ARK2N: variants seen among roughly 807,000 people sequenced by gnomAD.
ARK2N encodes arkadia (RNF111) N-terminal like PKA signaling regulator 2N, also known as protein ARK2N.
At chr18:46,210,901 AC>A in the ARK2N span, among the ~76,000 whole-genome samples, 1 of 149,190 alleles carries the variant, frequency 6.7e-6, no homozygotes, top group African/African-American at 2.5e-5. Context: ...ACAGAGTGAG[AC>A]CCTGTCTTAA....
chr18:46,253,797 G>A, the ARK2N span: 2 of 1,612,202 alleles, frequency 1.2e-6, no homozygotes, highest in South Asian at 2.2e-5. Context: ...GTGAAGTAGA[G>A]ATTGTGGGAG....
At chr18:46,190,286 G>A in the ARK2N span, among the ~76,000 whole-genome samples, 5 of 152,078 alleles carry the variant, frequency 3.3e-5, no homozygotes, top group African/African-American at 1.2e-4. Context: ...TTGGGAGGCC[G>A]AGGCGGGTGG....
At chr18:46,220,076 A>G in the ARK2N span, among the ~76,000 whole-genome samples, 1 of 152,240 alleles carries the variant, frequency 6.6e-6, no homozygotes. Context: ...GGACCTCCAT[A>G]CAGGGTAGCT....
the ARK2N span, among the ~76,000 whole-genome samples, chr18:46,252,373 T>A: frequency 2.7e-5 from 4 of 150,448 alleles, no homozygotes; most frequent in South Asian, 8.8e-4. Flanking sequence ...GCTTCCTGGG[T>A]TCAAGCAATT....
the ARK2N span, among the ~76,000 whole-genome samples, chr18:46,202,507 A>G: frequency 2.0e-5 from 3 of 152,156 alleles, no homozygotes; most frequent in Non-Finnish European, 2.9e-5. Context: ...GGAAGAGACT[A>G]TATTTGTTTG....
the ARK2N span, among the ~76,000 whole-genome samples, chr18:46,182,733 T>C: frequency 1.3e-5 from 2 of 150,648 alleles, no homozygotes. Flanking sequence ...GGCTTCTTAC[T>C]TGATGCTAGT....
At chr18:46,262,489 A>ATAAT in the ARK2N span, among the ~76,000 whole-genome samples, 1 of 152,328 alleles carries the variant, frequency 6.6e-6, no homozygotes, top group South Asian at 2.1e-4. Context: ...TGAAGGCATT[A>ATAAT]TTACCAATTA....
the ARK2N span, among the ~76,000 whole-genome samples, chr18:46,201,368 T>C: frequency 6.6e-6 from 1 of 152,178 alleles, no homozygotes; most frequent in Non-Finnish European, 1.5e-5. Context: ...CCTTGCGGGT[T>C]TGAATATGTA....
At chr18:46,217,905 G>GT in the ARK2N span, 1 of 152,022 alleles carries the variant, frequency 6.6e-6, no homozygotes, top group East Asian at 1.9e-4. Context: ...TCTAAGGCAG[G>GT]TTTTAGGTAT....
At chr18:46,190,246 G>C in the ARK2N span, among the ~76,000 whole-genome samples, 399 of 152,230 alleles carry the variant, frequency 2.6e-3, 1 homozygote, top group Non-Finnish European at 4.8e-3. Context: ...CAGGCCGGGC[G>C]TGGTGGCTCA....
the ARK2N span, among the ~76,000 whole-genome samples, chr18:46,245,712 C>T: frequency 6.6e-6 from 1 of 151,626 alleles, no homozygotes; most frequent in Non-Finnish European, 1.5e-5. Context: ...ATTACTTTCT[C>T]TTCAGTGTGT....
chr18:46,229,473 G>T, the ARK2N span, among the ~76,000 whole-genome samples: 66 of 151,020 alleles, frequency 4.4e-4, no homozygotes, highest in African/African-American at 1.6e-3. Context: ...TCAGCCTCCT[G>T]AGTAGCTGGG....
chr18:46,213,822 G>A, the ARK2N span, among the ~76,000 whole-genome samples: 2 of 151,912 alleles, frequency 1.3e-5, no homozygotes, highest in African/African-American at 4.8e-5. Flanking sequence ...TCAGCCTCCC[G>A]AGTAGCTGGG....
At chr18:46,259,885 C>CTCTGTGTGTGTGTGTGTGTGTGTG in the ARK2N span, among the ~76,000 whole-genome samples, 6 of 81,594 alleles carry the variant, frequency 7.4e-5, 1 homozygote, top group Admixed American at 5.4e-4. Flanking sequence ...ATCCTCCCGT[C>CTCTGTGTGTGTGTGTGTGTGTGTG]TGTGTGTGTG....
At chr18:46,240,107 A>C in the ARK2N span, 3 of 1,614,092 alleles carry the variant, frequency 1.9e-6, no homozygotes, top group African/African-American at 2.7e-5. Flanking sequence ...GTTCAAGAGC[A>C]CAGTAATTCT....
the ARK2N span, among the ~76,000 whole-genome samples, chr18:46,175,412 C>T: frequency 2.0e-5 from 3 of 152,094 alleles, no homozygotes; most frequent in Non-Finnish European, 4.4e-5. Flanking sequence ...CCTTTCTTCT[C>T]TTGGGATATT....
chr18:46,203,752 A>G, the ARK2N span, among the ~76,000 whole-genome samples: 1 of 152,010 alleles, frequency 6.6e-6, no homozygotes, highest in East Asian at 1.9e-4. Flanking sequence ...ATGCCCAGCT[A>G]ATTTTTGTAT....
the ARK2N span, among the ~76,000 whole-genome samples, chr18:46,243,566 G>T: frequency 6.6e-6 from 1 of 152,140 alleles, no homozygotes; most frequent in Non-Finnish European, 1.5e-5. Flanking sequence ...CAAAAGACTT[G>T]AACCACATGC....
At chr18:46,244,691 TC>T in the ARK2N span, among the ~76,000 whole-genome samples, 5 of 138,404 alleles carry the variant, frequency 3.6e-5, no homozygotes, top group South Asian at 1.2e-3. Context: ...AACCTCTGCC[TC>T]CCGGGTTCAA....
Sources: gnomAD v4.1 joint callset for allele counts (sites outside exome capture counted in the v4.1 genomes callset) on GRCh38, gnomAD v4.1.1 for gene constraint, MANE v1.5 for transcripts, NCBI Gene and HGNC (gene_info 2026-07-23, HGNC 2026-07-21) for gene names.